The following CDH13 variants were observed in gnomAD, a reference collection of about 807,000 sequenced individuals.
The protein encoded by CDH13 is cadherin-13.
CDH13 carries 24 observed loss-of-function variants against 63.8 expected under a neutral mutation model. The ratio of observed to expected loss-of-function variants is 0.38; its 90% CI spans 0.27 to 0.53. CDH13 has a LOEUF of 0.53. CDH13 is among the 20% of genes least tolerant of loss of function. The probability of loss-of-function intolerance (pLI) is 0.85; values close to 1 mark genes in which losing one functional copy is unlikely to be tolerated. For synonymous variants in CDH13, 503 were observed against 355.3 expected (o/e 1.42, Z -4.67); for missense variants, 1,049 against 903.1 (o/e 1.16, Z -2.07).
At chr16:83,585,434 G>C (rs1267284596) in intron 7 of CDH13, among the ~76,000 whole-genome samples, 2 of 152,148 alleles carry the variant, frequency 1.3e-5, no homozygotes, top group Non-Finnish European at 2.9e-5. Flanking sequence ...ACACGAGGGG[G>C]CCCCAGTTTT....
chr16:82,834,153 G>C (rs962922391), intron 1 of CDH13, among the ~76,000 whole-genome samples: 1 of 152,166 alleles, frequency 6.6e-6, no homozygotes, highest in Non-Finnish European at 1.5e-5. Context: ...ATGCACTAAA[G>C]GCAAACTACC....
intron 2 of CDH13, among the ~76,000 whole-genome samples, chr16:83,016,571 T>C (rs932084321): frequency 1.3e-5 from 2 of 152,178 alleles, no homozygotes. Context: ...CTGCTGCAGT[T>C]TGATTGGCAT....
chr16:83,036,641 C>T (rs917889632), intron 3 of CDH13, among the ~76,000 whole-genome samples: 1 of 152,114 alleles, frequency 6.6e-6, no homozygotes, highest in African/African-American at 2.4e-5. Context: ...CCTGATAGAA[C>T]ACTCCTGTGG....
At chr16:82,918,197 T>C (rs2042050877) in intron 2 of CDH13, among the ~76,000 whole-genome samples, 1 of 151,870 alleles carries the variant, frequency 6.6e-6, no homozygotes, top group Non-Finnish European at 1.5e-5. Context: ...TGCAAAAGGG[T>C]TGGACAAATA....
intron 2 of CDH13, among the ~76,000 whole-genome samples, chr16:82,989,197 A>G (rs944754292): frequency 6.6e-6 from 1 of 152,150 alleles, no homozygotes. Context: ...CAGTGTGAGT[A>G]GCTGAAAAAG....
In CDH13 at chr16:82,631,654, T is replaced by C. The variant is rs571770777; in HGVS notation, c.45+4517T>C. ...CCTGGCTCCTCAGGTATGAACAGGC[T>C]GCACAGACAATGAATGGCTGGGCTG... is the stretch of plus-strand genomic sequence containing the variant. On this transcript the variant is annotated intron_variant, in intron 1 of 13. Coordinates refer to ENST00000567109, the MANE Select transcript of CDH13 (RefSeq NM_001257.5). Among the ~76,000 whole-genome samples the C allele has an allele frequency of 3.3e-5, 5 of 152,334 alleles. No individual in the cohort carries two copies. The East Asian group carries it at 9.7e-4, about 29-fold the overall frequency.
rs560463455 is a variant in CDH13 at position 83,314,097 on chromosome 16, G to A, written c.637-30765G>A. 2.4e-4 allele frequency among the ~76,000 whole-genome samples: 36 copies of A among 152,280 alleles called. No individual in the cohort carries two copies. In the Middle Eastern group the frequency reaches 0.017, roughly 72 times the overall value. On this transcript the variant is annotated intron_variant, in intron 5 of 13. Coordinates refer to ENST00000567109, the MANE Select transcript of CDH13 (RefSeq NM_001257.5). ...ATCTCATTTGAAGAGCTGTTGTCTA[G>A]CATTGCTCTAATCAAAAATATGCCC...
rs985739673 is a variant in CDH13, at chr16:83,239,647, A to G, written c.636+22150A>G. Among the ~76,000 whole-genome samples the G allele has an allele frequency of 2.6e-5, 4 of 152,266 alleles. 1 individual carries two copies. The highest frequency in any genetic ancestry group is 9.6e-5 in the African/African-American group (4 of 41,564). ...CTGAGGTGATTTTTTTCTGGAGCTA[A>G]ATCTGTCTTTTCCACTTGTTCTACT... is the stretch of plus-strand genomic sequence containing the variant. On this transcript the variant is annotated intron_variant, in intron 5 of 13. Transcript: ENST00000567109.
At chr16:82,851,940 T>A (rs1251138116) in intron 1 of CDH13, among the ~76,000 whole-genome samples, 1 of 152,302 alleles carries the variant, frequency 6.6e-6, no homozygotes, top group East Asian at 1.9e-4. Flanking sequence ...AAACCAGAGA[T>A]GTTTTATGGC....
At chr16:83,041,061 C>T (rs867927326) in intron 3 of CDH13, among the ~76,000 whole-genome samples, 8 of 152,134 alleles carry the variant, frequency 5.3e-5, no homozygotes, top group Non-Finnish European at 1.0e-4. Context: ...TTCTACAGGT[C>T]CACTTAACAA....
At chr16:83,014,931 T>C (rs1306807277) in intron 2 of CDH13, among the ~76,000 whole-genome samples, 4 of 147,874 alleles carry the variant, frequency 2.7e-5, no homozygotes, top group Non-Finnish European at 5.9e-5. Context: ...CAGTTGGTAA[T>C]TAATGAAACG....
intron 3 of CDH13, among the ~76,000 whole-genome samples, chr16:83,055,048 C>T (rs542538228): frequency 6.6e-6 from 1 of 151,946 alleles, no homozygotes; most frequent in East Asian, 1.9e-4. Flanking sequence ...TAAAGGATCC[C>T]CACATATTTA....
At chr16:82,915,802 C>G (rs949787195) in intron 2 of CDH13, among the ~76,000 whole-genome samples, 9 of 150,830 alleles carry the variant, frequency 6.0e-5, no homozygotes, top group African/African-American at 1.2e-4. Context: ...AAGGTACCCT[C>G]TGACATACAC....
rs1218967752 is a variant in CDH13, at chr16:83,678,325, G to C, written c.1402G>C (p.Val468Leu). The change falls in exon 10 of 14, where the codon GTC (valine) becomes CTC (leucine). Residue 468 changes from valine to leucine, a missense_variant. Transcript: ENST00000567109. ...CTCCACAGCCACCGTCCACATCACT[G>C]TCCTGGATGTCAACGAGGGCCCAGT... ...PSSTATVHITVLDVNEGPVFY... is the reference protein window; with the variant it reads ...PSSTATVHITLLDVNEGPVFY... The C allele has an allele frequency of 6.2e-7, 1 of 1,613,938 alleles. No homozygotes were observed. Among genetic ancestry groups the C allele is most frequent in the East Asian group, 2.2e-5 (1 of 44,876 alleles).
intron 5 of CDH13, among the ~76,000 whole-genome samples, chr16:83,305,421 T>C (rs1043538456): frequency 6.6e-6 from 1 of 152,250 alleles, no homozygotes; most frequent in African/African-American, 2.4e-5. Flanking sequence ...AAGGACCATT[T>C]TTAATCTACC....
intron 6 of CDH13, chr16:83,398,082 G>A (rs1324999774): frequency 6.6e-6 from 1 of 152,220 alleles, no homozygotes; most frequent in African/African-American, 2.4e-5. Flanking sequence ...AAGCTTGAGT[G>A]TACAGCAGAA....
intron 1 of CDH13, chr16:82,825,473 G>C (rs1258344158): frequency 6.6e-6 from 1 of 151,548 alleles, no homozygotes; most frequent in Admixed American, 6.6e-5. Flanking sequence ...TTAGCTGAAA[G>C]TGTTTTTATC....
intron 1 of CDH13, among the ~76,000 whole-genome samples, chr16:82,679,796 T>C (rs1402926286): frequency 6.6e-6 from 1 of 152,244 alleles, no homozygotes; most frequent in Non-Finnish European, 1.5e-5. Flanking sequence ...AATAATACTA[T>C]GTTTGAACAG....
At chr16:83,751,501 C>A (rs1455580505) in intron 11 of CDH13, among the ~76,000 whole-genome samples, 1 of 152,006 alleles carries the variant, frequency 6.6e-6, no homozygotes, top group Non-Finnish European at 1.5e-5. Flanking sequence ...AAAATGGACG[C>A]GGTGATGGCA....
Sources: gnomAD v4.1 joint callset for allele counts (sites outside exome capture counted in the v4.1 genomes callset) on GRCh38, gnomAD v4.1.1 for gene constraint, MANE v1.5 for transcripts, NCBI Gene and HGNC (gene_info 2026-07-23, HGNC 2026-07-21) for gene names.